Variants in PDE1A observed in about 807,000 individuals in gnomAD.
PDE1A encodes the protein dual specificity calcium/calmodulin-dependent 3',5'-cyclic nucleotide phosphodiesterase 1A.
Under a neutral mutation model 61.7 loss-of-function variants are expected in PDE1A, and 35 were observed. The observed-to-expected ratio is 0.57, with a 90% CI of 0.43 to 0.75. The LOEUF is 0.75. Ranked by LOEUF, PDE1A falls within the 30% of genes least tolerant of loss-of-function variation. PDE1A has a pLI of 0.00. For synonymous variants in PDE1A, 232 were observed against 213.2 expected, an observed-to-expected ratio of 1.09 and a Z score of -0.77; for missense variants, 597 against 630.6, an observed-to-expected ratio of 0.95 and a Z score of 0.57.
intron 2 of PDE1A, among the ~76,000 whole-genome samples, chr2:182,511,985 C>A (rs1478404580): frequency 6.6e-6 from 1 of 152,182 alleles, no homozygotes; most frequent in African/African-American, 2.4e-5. Context: ...GACCACACTG[C>A]CCCACCACCA....
At chr2:182,712,933 A>G in the PDE1A span, among the ~76,000 whole-genome samples, 1 of 152,092 alleles carries the variant, frequency 6.6e-6, no homozygotes. Context: ...CCCATTGCTC[A>G]TAGGAAAAGG....
Position 182,174,475 on chromosome 2 carries a change from A to G in PDE1A, c.1517-6185T>C, listed in dbSNP as rs113891119. Among the ~76,000 whole-genome samples, 260 of 152,228 alleles carry G rather than the reference A, an allele frequency of 1.7e-3. 2 individuals are homozygous for G. Among genetic ancestry groups the G allele is most frequent in the Middle Eastern group, 0.014 (4 of 294 alleles). On this transcript the variant is annotated intron_variant, in intron 13 of 13. Coordinates refer to ENST00000351439, the Ensembl canonical transcript of PDE1A. ...TGTGATACTTTTCAGAAGGAGCAAG[A>G]GAAACTCTGAGAGTCAATCAGGGGA...
chr2:182,229,324 T>C (rs1689382974), intron 6 of PDE1A, among the ~76,000 whole-genome samples: 1 of 152,094 alleles, frequency 6.6e-6, no homozygotes, highest in East Asian at 1.9e-4. Flanking sequence ...CATGGCCTGC[T>C]CCTTTTTTGA....
the PDE1A span, among the ~76,000 whole-genome samples, chr2:182,566,211 A>T: frequency 6.6e-6 from 1 of 152,148 alleles, no homozygotes; most frequent in South Asian, 2.1e-4. Flanking sequence ...CCTCCATTGA[A>T]CCATAACAAA....
At chr2:182,641,067 A>G in the PDE1A span, among the ~76,000 whole-genome samples, 2 of 151,804 alleles carry the variant, frequency 1.3e-5, no homozygotes, top group Admixed American at 6.6e-5. Context: ...ACAAAGCAAG[A>G]GAACAAACCA....
chr2:182,452,667 C>A (rs1300928624), intron 2 of PDE1A, among the ~76,000 whole-genome samples: 1 of 152,048 alleles, frequency 6.6e-6, no homozygotes, highest in African/African-American at 2.4e-5. Flanking sequence ...ACTGAAGCCC[C>A]AAGCAAAAAA....
At chr2:182,277,776 T>C (rs1269076688) in intron 1 of PDE1A, among the ~76,000 whole-genome samples, 1 of 152,084 alleles carries the variant, frequency 6.6e-6, no homozygotes, top group Non-Finnish European at 1.5e-5. Context: ...GTTCCATCTA[T>C]ATTGAGATGC....
intron 1 of PDE1A, among the ~76,000 whole-genome samples, chr2:182,403,554 G>A (rs909873426): frequency 5.4e-5 from 8 of 147,282 alleles, no homozygotes; most frequent in African/African-American, 1.0e-4. Context: ...AGCCGAGATC[G>A]CGCCACTGCA....
intron 1 of PDE1A, among the ~76,000 whole-genome samples, chr2:182,420,779 A>G (rs539132135): frequency 7.2e-5 from 11 of 152,342 alleles, no homozygotes; most frequent in Admixed American, 6.5e-4. Context: ...GATATTACAA[A>G]GATAATAAAT....
At chr2:182,574,053 G>A in the PDE1A span, among the ~76,000 whole-genome samples, 1 of 151,436 alleles carries the variant, frequency 6.6e-6, no homozygotes, top group Non-Finnish European at 1.5e-5. Flanking sequence ...TAGGCTGTCT[G>A]CAAGCTGAGG....
the PDE1A span, among the ~76,000 whole-genome samples, chr2:182,583,055 C>A: frequency 1.4e-4 from 22 of 152,162 alleles, no homozygotes; most frequent in Admixed American, 1.4e-3. Context: ...AACAGAAAAA[C>A]CCCAAGACAA....
intron 1 of PDE1A, among the ~76,000 whole-genome samples, chr2:182,264,890 T>C (rs1316044674): frequency 4.3e-5 from 6 of 139,134 alleles, no homozygotes; most frequent in Non-Finnish European, 9.3e-5. Context: ...TATATATATA[T>C]ATGTATATAT....
the PDE1A span, among the ~76,000 whole-genome samples, chr2:182,564,110 G>C: frequency 0.055 from 8,357 of 152,162 alleles, 267 homozygotes; most frequent in Middle Eastern, 0.099. Context: ...ATGTTAGCTG[G>C]TTATTTTGCT....
chr2:182,406,591 G>A (rs531720533), intron 1 of PDE1A, among the ~76,000 whole-genome samples: 1 of 151,992 alleles, frequency 6.6e-6, no homozygotes, highest in Non-Finnish European at 1.5e-5. Flanking sequence ...TTTAGCTACT[G>A]GCATAGTTAG....
At chr2:182,155,166 A>T (rs955524626) in intron 13 of PDE1A, among the ~76,000 whole-genome samples, 1 of 147,602 alleles carries the variant, frequency 6.8e-6, no homozygotes, top group Non-Finnish European at 1.5e-5. Context: ...GGCTCACTGC[A>T]GCCTCCACCT....
chr2:182,647,452 T>G, the PDE1A span, among the ~76,000 whole-genome samples: 1 of 152,206 alleles, frequency 6.6e-6, no homozygotes, highest in Non-Finnish European at 1.5e-5. Context: ...TCCTATGGTA[T>G]CTTTATGTGC....
At chr2:182,392,973 G>T (rs2125399920) in intron 1 of PDE1A, among the ~76,000 whole-genome samples, 1 of 152,354 alleles carries the variant, frequency 6.6e-6, no homozygotes, top group East Asian at 1.9e-4. Context: ...TAAGCTGTTT[G>T]TGGATCTACC....
rs772015500 is a variant in PDE1A, at chr2:182,189,079, A to C, written c.1126-19T>G. 8.3e-6 allele frequency: 13 copies of C among 1,560,320 alleles called. No homozygotes were observed. The highest frequency in any genetic ancestry group is 1.1e-5 in the Non-Finnish European group (12 of 1,133,486). ...TATCTCCCTGGAGAAAGAAAAGCACATTAATATAGACTTGGGTTGGAGAAG... is the reference window on the plus strand; with the variant it reads ...TATCTCCCTGGAGAAAGAAAAGCACCTTAATATAGACTTGGGTTGGAGAAG... On this transcript the variant is annotated intron_variant, in intron 10 of 13. Transcript: ENST00000351439.
intron 7 of PDE1A, 54 bp from the exon 8 acceptor site, chr2:182,206,119 G>A: frequency 1.4e-6 from 2 of 1,480,926 alleles, no homozygotes; most frequent in Non-Finnish European, 1.8e-6. Context: ...CATCATGAAT[G>A]TCTAATAAGA....
Sources: gnomAD v4.1 joint callset for allele counts (sites outside exome capture counted in the v4.1 genomes callset) on GRCh38, gnomAD v4.1.1 for gene constraint, MANE v1.5 for transcripts, NCBI Gene and HGNC (gene_info 2026-07-23, HGNC 2026-07-21) for gene names.